Variants in BCKDHB observed in about 807,000 individuals in gnomAD.
The protein encoded by BCKDHB is 2-oxoisovalerate dehydrogenase subunit beta, mitochondrial.
BCKDHB carries 41 observed loss-of-function variants against 48.5 expected under a neutral mutation model. That is an observed-to-expected ratio of 0.85 (90% CI 0.66 to 1.10). The LOEUF (loss-of-function observed/expected upper bound fraction) is 1.10, where lower values mean the gene tolerates loss of function less well. Among genes scored for constraint, BCKDHB ranks in the 50% least tolerant of loss-of-function variants. BCKDHB has a pLI of 0.00. For synonymous variants in BCKDHB, 201 were observed against 174.8 expected, an observed-to-expected ratio of 1.15 and a Z score of -1.18; for missense variants, 496 against 494.2, an observed-to-expected ratio of 1.00 and a Z score of -0.03.
At chr6:80,393,076 T>C in the BCKDHB span, among the ~76,000 whole-genome samples, 1 of 152,148 alleles carries the variant, frequency 6.6e-6, no homozygotes, top group African/African-American at 2.4e-5. Flanking sequence ...AATCGGTATT[T>C]AATATTTACA....
the BCKDHB span, among the ~76,000 whole-genome samples, chr6:80,396,092 A>T: frequency 1.3e-5 from 2 of 152,210 alleles, no homozygotes; most frequent in South Asian, 4.1e-4. Flanking sequence ...GGCAGTGCAG[A>T]TGGGAAATGT....
intron 8 of BCKDHB, among the ~76,000 whole-genome samples, chr6:80,225,089 C>T (rs760963465): frequency 3.3e-5 from 5 of 152,256 alleles, no homozygotes; most frequent in Non-Finnish European, 5.9e-5. Context: ...CCTCATAGTC[C>T]TCTTATATCT....
At chr6:80,359,999 T>C in the BCKDHB span, among the ~76,000 whole-genome samples, 1 of 152,248 alleles carries the variant, frequency 6.6e-6, no homozygotes, top group East Asian at 1.9e-4. Flanking sequence ...AATTAAGTTG[T>C]GTTCTCAGGC....
At chr6:80,342,352 A>G (rs557864734) in intron 9 of BCKDHB, among the ~76,000 whole-genome samples, 28 of 152,060 alleles carry the variant, frequency 1.8e-4, no homozygotes, top group Non-Finnish European at 3.4e-4. Flanking sequence ...AATAGCTGTG[A>G]ATGTTAAAAG....
the BCKDHB span, among the ~76,000 whole-genome samples, chr6:80,459,518 C>T: frequency 3.9e-4 from 59 of 152,098 alleles, no homozygotes; most frequent in Non-Finnish European, 6.5e-4. Flanking sequence ...AGGCATAAAG[C>T]TTCAGGCAAG....
At chr6:80,349,872 A>G (rs950826143), downstream of BCKDHB, among the ~76,000 whole-genome samples, 54 of 152,322 alleles carry the variant, frequency 3.5e-4, no homozygotes, top group African/African-American at 1.3e-3. Context: ...GAAGTAGACT[A>G]GAGTAAAAGA....
chr6:80,424,483 T>C, the BCKDHB span, among the ~76,000 whole-genome samples: 4 of 152,198 alleles, frequency 2.6e-5, no homozygotes, highest in African/African-American at 9.6e-5. Flanking sequence ...TCATTTGATA[T>C]TATATAATTT....
At chr6:80,372,360 C>T in the BCKDHB span, among the ~76,000 whole-genome samples, 10 of 151,590 alleles carry the variant, frequency 6.6e-5, no homozygotes, top group Non-Finnish European at 8.9e-5. Context: ...AGGAGCTTTT[C>T]GGATGAGTCT....
chr6:80,202,698 C>G (rs191430868), intron 7 of BCKDHB, among the ~76,000 whole-genome samples: 3 of 151,398 alleles, frequency 2.0e-5, no homozygotes, highest in Non-Finnish European at 4.4e-5. Context: ...TTCTTTCCTT[C>G]CCTCCATTTT....
intron 8 of BCKDHB, among the ~76,000 whole-genome samples, chr6:80,250,142 C>A (rs759346568): frequency 6.6e-6 from 1 of 152,060 alleles, no homozygotes; most frequent in Non-Finnish European, 1.5e-5. Flanking sequence ...CTGACCTCTG[C>A]CGGCCTCCCC....
chr6:80,392,608 C>T, the BCKDHB span, among the ~76,000 whole-genome samples: 62,988 of 151,390 alleles, frequency 0.42, 13,771 homozygotes, highest in East Asian at 0.66. Context: ...TGTTTCAGTC[C>T]ATTTTAATTT....
intron 9 of BCKDHB, among the ~76,000 whole-genome samples, chr6:80,300,356 G>C (rs1767518008): frequency 6.6e-6 from 1 of 152,116 alleles, no homozygotes; most frequent in African/African-American, 2.4e-5. Flanking sequence ...CTGGGCAGGA[G>C]CCACTATTCT....
At chr6:80,126,281 C>T (rs544303396) in intron 1 of BCKDHB, among the ~76,000 whole-genome samples, 6 of 152,094 alleles carry the variant, frequency 3.9e-5, no homozygotes, top group Middle Eastern at 3.4e-3. Flanking sequence ...GTAGGCAGAA[C>T]GTCAGAAGTC....
intron 9 of BCKDHB, among the ~76,000 whole-genome samples, chr6:80,276,044 T>C (rs1777956576): frequency 6.6e-6 from 1 of 152,070 alleles, no homozygotes; most frequent in South Asian, 2.1e-4. Context: ...TCTTTCATTG[T>C]TATCTGGGAA....
intron 8 of BCKDHB, among the ~76,000 whole-genome samples, chr6:80,238,632 C>T (rs564805324): frequency 4.6e-5 from 7 of 151,994 alleles, no homozygotes; most frequent in East Asian, 3.9e-4. Flanking sequence ...TTAAGTTCTA[C>T]GGTACATGTG....
chr6:80,329,376 C>T (rs1487422041), intron 9 of BCKDHB, among the ~76,000 whole-genome samples: 3 of 152,178 alleles, frequency 2.0e-5, no homozygotes, highest in Non-Finnish European at 4.4e-5. Flanking sequence ...AAAAATATTA[C>T]TCACATCTAA....
At chr6:80,432,931 C>A in the BCKDHB span, among the ~76,000 whole-genome samples, 1 of 152,130 alleles carries the variant, frequency 6.6e-6, no homozygotes, top group African/African-American at 2.4e-5. Context: ...TGCTGTAGGT[C>A]TGCTGGAGTT....
At chr6:80,365,029 A>G in the BCKDHB span, among the ~76,000 whole-genome samples, 1 of 152,168 alleles carries the variant, frequency 6.6e-6, no homozygotes, top group African/African-American at 2.4e-5. Context: ...GGGAGGGGGT[A>G]TAAGAACAGG....
chr6:80,335,162 C>T (rs1449874477), intron 9 of BCKDHB, among the ~76,000 whole-genome samples: 1 of 148,542 alleles, frequency 6.7e-6, no homozygotes, highest in Non-Finnish European at 1.5e-5. Context: ...GTTGCTTTAG[C>T]CAGGATTGAT....
Sources: gnomAD v4.1 joint callset for allele counts (sites outside exome capture counted in the v4.1 genomes callset) on GRCh38, gnomAD v4.1.1 for gene constraint, MANE v1.5 for transcripts, NCBI Gene and HGNC (gene_info 2026-07-23, HGNC 2026-07-21) for gene names.